EIF4G2: variants seen among roughly 807,000 people sequenced by gnomAD.
EIF4G2 encodes the protein DAP-5.
EIF4G2 carries 8 observed loss-of-function variants against 117.7 expected under a neutral mutation model. The ratio of observed to expected loss-of-function variants is 0.07; its 90% CI spans 0.04 to 0.12. The LOEUF (loss-of-function observed/expected upper bound fraction) is 0.12. Ranked by LOEUF, EIF4G2 falls within the 10% of genes least tolerant of loss-of-function variation. EIF4G2 has a pLI of 1.00. For missense variants in EIF4G2, 812 were observed against 1,086.2 expected (o/e 0.75, Z 3.55); for synonymous variants, 413 against 367.8 (o/e 1.12, Z -1.41).
rs1227731470 is a variant in EIF4G2, at chr11:10,804,148, C to G, written c.539G>C (p.Arg180Thr). Residue 180 changes from arginine to threonine, a missense_variant, in exon 7 of 22, where the codon AGA becomes ACA. Arg to Thr is a moderately conservative substitution (Grantham distance 71). This residue lies in a region of EIF4G2 where 154 missense variants were observed against 322.1 expected (regional missense o/e 0.48). Transcript: ENST00000339995. ...GCTATAAGTCTTACCATCAACATTT[C>G]TAGTTCGGTTTTCAAATTCATCTTG... 1.2e-6 allele frequency: 2 copies of G among 1,614,172 alleles called. No individual in the cohort carries two copies. Among genetic ancestry groups the G allele is most frequent in the African/African-American group, 2.7e-5 (2 of 75,032 alleles).
At chr11:10,802,853 C>T (rs1378959828) in intron 11 of EIF4G2, among the ~76,000 whole-genome samples, 177 bp downstream of exon 11, 4 of 152,038 alleles carry the variant, frequency 2.6e-5, no homozygotes, top group African/African-American at 7.2e-5. Flanking sequence ...GGTGACAGTG[C>T]GAAACTCCGT....
intron 18 of EIF4G2, 63 bp downstream of exon 18, chr11:10,800,027 G>A (rs1847372176): frequency 6.4e-7 from 1 of 1,552,580 alleles, no homozygotes; most frequent in South Asian, 1.2e-5. Flanking sequence ...ATCCACTCAA[G>A]GTACCTGAAA....
rs535770861 is a variant in EIF4G2 at position 10,801,211 on chromosome 11, AAAG to A, written c.1414-127_1414-125del. ...GAAACATTAAGCTTTTTGAAAAACTAAAGAAGGTACTCCACATTAACAGGTTTA... is the reference window on the plus strand; with the variant it reads ...GAAACATTAAGCTTTTTGAAAAACTAAAGGTACTCCACATTAACAGGTTTA... On this transcript the variant is annotated intron_variant, in intron 14 of 21. Transcript: ENST00000339995. 4.7e-5 allele frequency: 66 copies of A among 1,391,352 alleles called. No homozygotes were observed. The African/African-American group carries it at 8.0e-4, about 17-fold the overall frequency. The allele number at this position is 1,391,352 out of a possible 1,614,324, so 86.2% of individuals were successfully genotyped here.
chr11:10,801,022 C>A lies in EIF4G2; in HGVS notation c.1479G>T (p.Gln493His). The A allele has an allele frequency of 6.2e-7, 1 of 1,614,202 alleles. No individual in the cohort carries two copies. ...GTGCACTAGGAGGAATCATAGTTAT[C>A]TGGGGCTGAAGCTTTGGCACTTGAT... The change falls in exon 15 of 22, where the codon CAG (glutamine) becomes CAT (histidine). Residue 493 changes from glutamine to histidine, a missense_variant. Gln to His is a conservative substitution (Grantham distance 24, BLOSUM62 0). This residue lies in a region of EIF4G2 where 571 missense variants were observed against 642.3 expected (regional missense o/e 0.89). Coordinates refer to ENST00000339995, the MANE Select transcript of EIF4G2 (RefSeq NM_001418.4).
At position 10,803,384 on chromosome 11, in the gene EIF4G2, A is replaced by C; in HGVS notation, c.814-90T>G. 2.6e-6 allele frequency: 4 copies of C among 1,547,406 alleles called. No homozygotes were observed. Among genetic ancestry groups the C allele is most frequent in the Non-Finnish European group, 3.6e-6 (4 of 1,125,088 alleles). ...GACTTCTAAAATTATAACCCAGTTA[A>C]TGGCTAAATATGGCAATCCCTTATG... On this transcript the variant is annotated intron_variant, in intron 9 of 21. Transcript: ENST00000339995. This position sits in a 1 kb window ranked among gnomAD's most constrained non-coding sequence, Gnocchi z 4.0.
intron 11 of EIF4G2, among the ~76,000 whole-genome samples, 162 bp from the exon 12 acceptor site, chr11:10,802,597 T>C (rs1847457931): frequency 6.6e-6 from 1 of 152,254 alleles, no homozygotes; most frequent in Non-Finnish European, 1.5e-5. Context: ...CTGGGCATGA[T>C]GGCTCACATC....
rs770154739 is a variant in EIF4G2, at chr11:10,799,600, G to C, written c.2276C>G (p.Ser759Cys). 1 of 1,614,144 alleles carries C rather than the reference G, an allele frequency of 6.2e-7. No homozygotes were observed. The highest frequency in any genetic ancestry group is 8.5e-7 in the Non-Finnish European group (1 of 1,180,014). ...TCCTTTATCTACATGAAGTTTGGGA[G>C]AGATGTTATCTTTAATCCATTTATA... Residue 759 changes from serine to cysteine, a missense_variant, in exon 19 of 22, where the codon TCT (serine) becomes TGT (cysteine). Ser to Cys is a moderately radical substitution (Grantham distance 112). Coordinates refer to ENST00000339995, the MANE Select transcript of EIF4G2 (RefSeq NM_001418.4).
Position 10,800,011 on chromosome 11 carries a change from A to G in EIF4G2, c.2119+79T>C, listed in dbSNP as rs1847371904. 3 of 1,494,048 alleles carry G rather than the reference A, an allele frequency of 2.0e-6. No individual in the cohort carries two copies. In the Admixed American group the frequency reaches 5.5e-5, roughly 27 times the overall value. 92.5% of individuals were successfully genotyped at this position (1,494,048 alleles called of 1,614,324 possible). A position where few individuals can be genotyped will look rare whatever the true frequency, so the allele number is the denominator to read the frequency against. On this transcript the variant is annotated intron_variant, in intron 18 of 21. Transcript: ENST00000339995. The stretch of plus-strand genomic sequence containing the variant: ...GCAGGACAATCAGACTGTCTGACCT[A>G]CATAAATCCACTCAAGGTACCTGAA...
At position 10,800,612 on chromosome 11, in the gene EIF4G2, A is replaced by T; in HGVS notation, c.1680T>A (p.Asn560Lys). Residue 560 changes from asparagine to lysine, a missense_variant, in exon 17 of 22, where the codon AAT becomes AAA. Coordinates refer to ENST00000339995, the MANE Select transcript of EIF4G2 (RefSeq NM_001418.4). ...TTACACCATTGACAGCCTCATTTGC[A>T]TTTCCACTATTTAGATATTCAGTCA... 1 of 1,614,168 alleles carries T rather than the reference A, an allele frequency of 6.2e-7. No homozygotes were observed. The highest frequency in any genetic ancestry group is 8.5e-7 in the Non-Finnish European group (1 of 1,180,028).
chr11:10,807,036 T>C, intron 2 of EIF4G2, 151 bp from the exon 3 acceptor site: 3 of 1,115,070 alleles, frequency 2.7e-6, no homozygotes, highest in Non-Finnish European at 3.8e-6. Context: ...AGTGCTTGTA[T>C]ATTATGCTAC....
intron 13 of EIF4G2, 128 bp from the exon 14 acceptor site, chr11:10,801,902 T>A: frequency 8.9e-7 from 1 of 1,119,554 alleles, no homozygotes; most frequent in Non-Finnish European, 1.3e-6. Flanking sequence ...AAGTAAAAGA[T>A]GAAACAGGGA....
At position 10,799,595 on chromosome 11, in the gene EIF4G2, T is replaced by G; in HGVS notation, c.2281A>C (p.Lys761Gln). ...ACAAATCCTTTATCTACATGAAGTT[T>G]GGGAGAGATGTTATCTTTAATCCAT... The change falls in exon 19 of 22, where the codon AAA becomes CAA. Residue 761 changes from lysine to glutamine, a missense_variant. Around this residue, in one of 4 missense-constraint regions of EIF4G2, gnomAD observed 571 missense variants for 642.3 expected, o/e 0.89. Coordinates refer to ENST00000339995, the MANE Select transcript of EIF4G2 (RefSeq NM_001418.4). 2.5e-6 allele frequency: 4 copies of G among 1,614,154 alleles called. No individual in the cohort carries two copies. The highest frequency in any genetic ancestry group is 3.4e-6 in the Non-Finnish European group (4 of 1,180,010).
At position 10,799,392 on chromosome 11, in the gene EIF4G2, G is replaced by C. The variant is rs377019868; in HGVS notation, c.2357C>G (p.Pro786Arg). The C allele has an allele frequency of 2.5e-6, 4 of 1,611,942 alleles. No individual in the cohort carries two copies. Among genetic ancestry groups the C allele is most frequent in the Non-Finnish European group, 3.4e-6 (4 of 1,180,022 alleles). The stretch of plus-strand genomic sequence containing the variant: ...GGATGAATCTGTTTCATCGCTGGGG[G>C]GGTTTACTTCACTAGAAATGTACTG... The change falls in exon 20 of 22, where the codon CCC becomes CGC. Residue 786 changes from proline (P) to arginine (R), a missense_variant. This residue lies in a region of EIF4G2 where 571 missense variants were observed against 642.3 expected (regional missense o/e 0.89). Coordinates refer to ENST00000339995, the MANE Select transcript of EIF4G2 (RefSeq NM_001418.4).
At position 10,803,783 on chromosome 11, in the gene EIF4G2, T is replaced by G. The variant is rs74543758; in HGVS notation, c.702+116A>C. ...ACCACGTATTTCAAATTATTCTGTT[T>G]AGTAAATTTTGTTGCACATCTGTAT... On this transcript the variant is annotated intron_variant, in intron 8 of 21. Transcript: ENST00000339995. This position sits in a 1 kb window ranked among gnomAD's most constrained non-coding sequence, Gnocchi z 4.0. The G allele has an allele frequency of 0.068, 90,247 of 1,324,196 alleles. 3,452 individuals are homozygous for G. The highest frequency in any genetic ancestry group is 0.078 in the Non-Finnish European group (74,870 of 960,060). The allele number at this position is 1,324,196 out of a possible 1,614,324, so 82.0% of individuals were successfully genotyped here.
At chr11:10,802,002 T>C (rs919256420) in intron 13 of EIF4G2, 47 bp downstream of exon 13, 4 of 15,158 alleles carry the variant, frequency 2.6e-4, no homozygotes, top group African/African-American at 5.0e-4. Context: ...TTGAAATAAA[T>C]GTTGCAGATA....
chr11:10,807,022 TTTTA>T, intron 2 of EIF4G2, 137 bp from the exon 3 acceptor site: 1 of 1,158,012 alleles, frequency 8.6e-7, no homozygotes, highest in East Asian at 2.4e-5. Context: ...CAGGCCTGTA[TTTTA>T]GTGCTTGTAT....
At chr11:10,805,176 C>A (rs1270605732) in intron 4 of EIF4G2, among the ~76,000 whole-genome samples, 161 bp from the exon 5 acceptor site, 1 of 152,156 alleles carries the variant, frequency 6.6e-6, no homozygotes, top group Non-Finnish European at 1.5e-5. Context: ...CTGAAATAAA[C>A]CTGTTATTTT....
chr11:10,808,512 C>G (rs1347469361), intron 1 of EIF4G2, 193 bp downstream of exon 1: 4 of 1,221,734 alleles, frequency 3.3e-6, no homozygotes, highest in Non-Finnish European at 4.2e-6. Flanking sequence ...TTTCCTTCTA[C>G]TCCGTCAGCA....
chr11:10,800,914 A>G, intron 15 of EIF4G2, 48 bp downstream of exon 15: 1 of 1,611,898 alleles, frequency 6.2e-7, no homozygotes. Flanking sequence ...AATTTAGAAA[A>G]AAGTCTTCAG....
Sources: gnomAD v4.1 joint callset for allele counts (sites outside exome capture counted in the v4.1 genomes callset) on GRCh38, gnomAD v4.1.1 for gene constraint, gnomAD v4.1.1 regional missense constraint, Gnocchi (gnomAD v3.1) non-coding constraint, MANE v1.5 for transcripts, NCBI Gene and HGNC (gene_info 2026-07-23, HGNC 2026-07-21) for gene names.